Variants in NTM observed in about 807,000 individuals in gnomAD.
NTM encodes the protein neurotrimin.
Under a neutral mutation model 42.1 loss-of-function variants are expected in NTM, and 13 were observed. That is an observed-to-expected ratio of 0.31 (90% CI 0.20 to 0.49). The LOEUF is 0.49. Ranked by LOEUF, NTM falls within the 20% of genes least tolerant of loss-of-function variation. The pLI is 0.99. For missense variants in NTM, 373 were observed against 452.8 expected (o/e 0.82, Z 1.60); for synonymous variants, 187 against 179.2 (o/e 1.04, Z -0.35).
intron 1 of NTM, among the ~76,000 whole-genome samples, chr11:131,379,004 T>C (rs2135507993): frequency 6.6e-6 from 1 of 152,278 alleles, no homozygotes; most frequent in East Asian, 1.9e-4. Flanking sequence ...ACTTGTTTGT[T>C]TTCTGATGGA....
chr11:131,707,899 G>T (rs569581833), intron 1 of NTM, among the ~76,000 whole-genome samples: 4 of 152,006 alleles, frequency 2.6e-5, no homozygotes, highest in Non-Finnish European at 5.9e-5. Context: ...CTCAATGTAG[G>T]ACTGAAAGTT....
chr11:131,820,863 G>A (rs575802482), intron 1 of NTM, among the ~76,000 whole-genome samples: 2 of 152,230 alleles, frequency 1.3e-5, no homozygotes, highest in Admixed American at 1.3e-4. Context: ...AGGGTTTAAG[G>A]TGTCTCCATT....
At chr11:132,198,737 G>C (rs541821588) in intron 3 of NTM, among the ~76,000 whole-genome samples, 175 of 152,318 alleles carry the variant, frequency 1.1e-3, no homozygotes, top group African/African-American at 4.0e-3. Flanking sequence ...AGAGCAATGT[G>C]TGATATTTAT....
At chr11:131,765,083 G>T (rs1052523141) in intron 1 of NTM, among the ~76,000 whole-genome samples, 4 of 152,040 alleles carry the variant, frequency 2.6e-5, no homozygotes, top group Non-Finnish European at 5.9e-5. Flanking sequence ...CCCTGCAGGC[G>T]CACATCCTGA....
intron 1 of NTM, among the ~76,000 whole-genome samples, chr11:131,751,761 C>G (rs892880104): frequency 6.8e-6 from 1 of 147,612 alleles, no homozygotes; most frequent in African/African-American, 2.5e-5. Context: ...TCCGTCCCCC[C>G]CTCACCCCCC....
chr11:131,804,570 T>A (rs2092372898), intron 1 of NTM, among the ~76,000 whole-genome samples: 3 of 152,192 alleles, frequency 2.0e-5, no homozygotes, highest in African/African-American at 7.2e-5. Flanking sequence ...CCTCACCACC[T>A]CCTTGCTTAC....
chr11:131,657,239 C>T (rs2067320219), intron 1 of NTM, among the ~76,000 whole-genome samples: 1 of 151,894 alleles, frequency 6.6e-6, no homozygotes, highest in Non-Finnish European at 1.5e-5. Context: ...TGAGAGTTAG[C>T]TGCTGTCTAG....
At chr11:132,251,583 C>T (rs2091941821) in intron 4 of NTM, among the ~76,000 whole-genome samples, 1 of 152,244 alleles carries the variant, frequency 6.6e-6, no homozygotes, top group Admixed American at 6.5e-5. Flanking sequence ...GTGGAAGCCA[C>T]TCCACTGCTC....
chr11:132,085,933 T>A (rs2059644100), intron 2 of NTM, among the ~76,000 whole-genome samples: 1 of 151,978 alleles, frequency 6.6e-6, no homozygotes, highest in Non-Finnish European at 1.5e-5. Context: ...AAAGCAGAGG[T>A]CTCTTTCAAA....
intron 1 of NTM, among the ~76,000 whole-genome samples, chr11:131,626,081 T>C (rs2063075198): frequency 6.6e-6 from 1 of 152,154 alleles, no homozygotes; most frequent in African/African-American, 2.4e-5. Context: ...AGGGATGAGA[T>C]AAATTCAATT....
chr11:132,220,156 CAT>C (rs1387521697), intron 4 of NTM, among the ~76,000 whole-genome samples: 1 of 152,076 alleles, frequency 6.6e-6, no homozygotes, highest in Non-Finnish European at 1.5e-5. Flanking sequence ...ACCTGTGAAA[CAT>C]AGAGCATTAG....
chr11:132,135,687 A>C (rs1456893524), intron 2 of NTM, among the ~76,000 whole-genome samples: 1 of 152,222 alleles, frequency 6.6e-6, no homozygotes, highest in African/African-American at 2.4e-5. Context: ...GGGTGCAAAC[A>C]GAGTCTCAGG....
chr11:132,280,296 A>G (rs1176371211), intron 4 of NTM, among the ~76,000 whole-genome samples: 2 of 152,090 alleles, frequency 1.3e-5, no homozygotes, highest in South Asian at 2.1e-4. Context: ...TGACATCAGT[A>G]TCCCCCACCC....
intron 1 of NTM, among the ~76,000 whole-genome samples, chr11:131,396,799 A>G (rs558931000): frequency 6.6e-6 from 1 of 151,742 alleles, no homozygotes; most frequent in Admixed American, 6.6e-5. Flanking sequence ...GTGCCACTGC[A>G]CTCCAGCCCG....
chr11:132,020,986 T>G (rs935321368), intron 2 of NTM, among the ~76,000 whole-genome samples: 23 of 152,148 alleles, frequency 1.5e-4, no homozygotes, highest in African/African-American at 5.3e-4. Context: ...AGTGTATTTT[T>G]TGCTTCCTCT....
At chr11:131,633,325 T>C (rs2063853432) in intron 1 of NTM, among the ~76,000 whole-genome samples, 1 of 152,172 alleles carries the variant, frequency 6.6e-6, no homozygotes, top group Non-Finnish European at 1.5e-5. Flanking sequence ...TATGTCCCAT[T>C]GACTCTAAAT....
intron 1 of NTM, among the ~76,000 whole-genome samples, chr11:131,561,121 G>A (rs1199336789): frequency 2.6e-5 from 4 of 152,196 alleles, no homozygotes; most frequent in African/African-American, 4.8e-5. Flanking sequence ...GGCTTTTACC[G>A]AGGAGAAATG....
intron 1 of NTM, among the ~76,000 whole-genome samples, chr11:131,511,434 C>T (rs2048234752): frequency 6.6e-6 from 1 of 152,150 alleles, no homozygotes; most frequent in African/African-American, 2.4e-5. Flanking sequence ...GGGATTCATG[C>T]TATTACCCTG....
intron 1 of NTM, among the ~76,000 whole-genome samples, chr11:131,779,541 G>A (rs556181365): frequency 2.0e-4 from 31 of 152,066 alleles, no homozygotes; most frequent in South Asian, 1.2e-3. Context: ...TTTATTTTTC[G>A]TAGACTAGTA....
Sources: allele counts gnomAD v4.1 joint callset (sites outside exome capture counted in the v4.1 genomes callset), GRCh38; gene constraint gnomAD v4.1.1; transcripts MANE v1.5; gene names NCBI Gene and HGNC (gene_info 2026-07-23, HGNC 2026-07-21).